PCDH15: variants seen among roughly 807,000 people sequenced by gnomAD.
PCDH15 encodes protocadherin-15.
PCDH15 carries 129 observed loss-of-function variants against 178.5 expected under a neutral mutation model. That is an observed-to-expected ratio of 0.72 (90% CI 0.63 to 0.84). The LOEUF (loss-of-function observed/expected upper bound fraction) is 0.84, where lower values mean the gene tolerates loss of function less well. Ranked by LOEUF, PCDH15 falls within the 40% of genes least tolerant of loss-of-function variation. The probability of loss-of-function intolerance (pLI) is 0.00; values close to 1 mark genes in which losing one functional copy is unlikely to be tolerated. For synonymous variants in PCDH15, 800 were observed against 732.0 expected (o/e 1.09, Z -1.50); for missense variants, 2,230 against 2,099.9 (o/e 1.06, Z -1.21).
intron 2 of PCDH15, among the ~76,000 whole-genome samples, chr10:55,459,300 G>A (rs1180885929): frequency 6.7e-6 from 1 of 150,156 alleles, no homozygotes; most frequent in Non-Finnish European, 1.5e-5. Context: ...ACCCTAATTT[G>A]TGTAGCTACT....
intron 1 of PCDH15, among the ~76,000 whole-genome samples, chr10:54,780,619 C>A (rs1223620349): frequency 6.6e-6 from 1 of 151,042 alleles, no homozygotes; most frequent in African/African-American, 2.4e-5. Flanking sequence ...GGAAGGAAAG[C>A]TTAGGAAAAC....
Position 54,354,062 on chromosome 10 carries a change from C to T in PCDH15, c.475-7578G>A, listed in dbSNP as rs545302881. The stretch of plus-strand genomic sequence containing the variant: ...GTGCAATGGCACAATCTCGGCTCAC[C>T]GCAACCTCCACCTCCTGGGTTCAAG... On this transcript the variant is annotated intron_variant, in intron 5 of 37. Coordinates refer to ENST00000644397, the MANE Select transcript of PCDH15 (RefSeq NM_001384140.1). 2.2e-4 allele frequency among the ~76,000 whole-genome samples: 34 copies of T among 152,112 alleles called. No homozygotes were observed. In the South Asian group the frequency reaches 3.7e-3, roughly 17 times the overall value.
chr10:54,917,666 A>G (rs1837376145), intron 2 of PCDH15, among the ~76,000 whole-genome samples: 1 of 152,152 alleles, frequency 6.6e-6, no homozygotes, highest in Non-Finnish European at 1.5e-5. Context: ...CCTCTAAAGA[A>G]CAAGGGCATC....
intron 7 of PCDH15, among the ~76,000 whole-genome samples, chr10:54,322,567 A>G (rs1446964753): frequency 6.6e-6 from 1 of 152,044 alleles, no homozygotes. Context: ...ATAATGTTCC[A>G]AGATCGAATC....
At chr10:54,039,509 T>A (rs997509994) in intron 18 of PCDH15, among the ~76,000 whole-genome samples, 5 of 151,960 alleles carry the variant, frequency 3.3e-5, no homozygotes, top group African/African-American at 1.2e-4. Context: ...TCCCTTACTC[T>A]GTGGCAAGCT....
At chr10:55,496,679 T>C (rs1209777497) in intron 2 of PCDH15, among the ~76,000 whole-genome samples, 3 of 151,776 alleles carry the variant, frequency 2.0e-5, no homozygotes, top group Non-Finnish European at 4.4e-5. Flanking sequence ...GCTAGGAAAA[T>C]ATAGACAGAA....
intron 2 of PCDH15, among the ~76,000 whole-genome samples, chr10:55,100,332 A>G (rs2132045068): frequency 6.6e-6 from 1 of 152,258 alleles, no homozygotes; most frequent in African/African-American, 2.4e-5. Context: ...GAACATTTAA[A>G]CATTAAGCAA....
chr10:55,471,138 G>T (rs1051354129), intron 2 of PCDH15, among the ~76,000 whole-genome samples: 4 of 152,060 alleles, frequency 2.6e-5, no homozygotes, highest in Non-Finnish European at 5.9e-5. Flanking sequence ...ACTGATTTTA[G>T]TGTGAATATA....
chr10:55,609,636 A>C (rs1843320784), intron 2 of PCDH15, among the ~76,000 whole-genome samples: 1 of 152,112 alleles, frequency 6.6e-6, no homozygotes, highest in South Asian at 2.1e-4. Flanking sequence ...ACTGTCCATA[A>C]CATAGTATAT....
intron 2 of PCDH15, among the ~76,000 whole-genome samples, chr10:55,438,469 A>G (rs542818939): frequency 6.6e-6 from 1 of 152,276 alleles, no homozygotes; most frequent in African/African-American, 2.4e-5. Flanking sequence ...TATTAGTCTG[A>G]AGTATAATGG....
intron 15 of PCDH15, among the ~76,000 whole-genome samples, chr10:54,099,498 C>CAAAAAAAAAAAAAAAAAAA (rs755057091): frequency 2.0e-5 from 1 of 49,990 alleles, no homozygotes; most frequent in African/African-American, 1.2e-4. Flanking sequence ...GACTCCATCT[C>CAAAAAAAAAAAAAAAAAAA]AAAAAAAAAA....
intron 2 of PCDH15, among the ~76,000 whole-genome samples, chr10:54,554,118 A>T (rs2086906840): frequency 6.6e-6 from 1 of 152,132 alleles, no homozygotes; most frequent in African/African-American, 2.4e-5. Context: ...TTACAATGTG[A>T]ACTTAATGGC....
chr10:54,653,980 T>G (rs1253322550), intron 2 of PCDH15, among the ~76,000 whole-genome samples: 2 of 152,230 alleles, frequency 1.3e-5, no homozygotes, highest in Admixed American at 6.5e-5. Flanking sequence ...CTTGTCATTT[T>G]ATGGTGAAAA....
intron 2 of PCDH15, among the ~76,000 whole-genome samples, chr10:55,146,304 C>T (rs1298866834): frequency 2.0e-5 from 3 of 151,960 alleles, no homozygotes; most frequent in African/African-American, 4.8e-5. Flanking sequence ...AAGATATGAG[C>T]TCAGCTGGCA....
At chr10:54,237,385 A>T (rs2054743649) in intron 8 of PCDH15, among the ~76,000 whole-genome samples, 1 of 152,228 alleles carries the variant, frequency 6.6e-6, no homozygotes, top group South Asian at 2.1e-4. Context: ...AAAGTAAATA[A>T]TTTCATAAAA....
At chr10:54,386,840 AT>A (rs1949991986) in intron 3 of PCDH15, among the ~76,000 whole-genome samples, 1 of 152,214 alleles carries the variant, frequency 6.6e-6, no homozygotes, top group Non-Finnish European at 1.5e-5. Flanking sequence ...ATGTGGAGAA[AT>A]TGAAACACTA....
chr10:54,806,583 G>C (rs547875514), intron 3 of PCDH15, among the ~76,000 whole-genome samples: 2 of 150,866 alleles, frequency 1.3e-5, no homozygotes, highest in Non-Finnish European at 2.9e-5. Flanking sequence ...TCCCGGGTTC[G>C]AGCAATTCTC....
intron 2 of PCDH15, among the ~76,000 whole-genome samples, chr10:55,384,910 C>A (rs375244246): frequency 1.3e-5 from 2 of 151,834 alleles, no homozygotes; most frequent in East Asian, 1.9e-4. Flanking sequence ...AAAGCAGAGA[C>A]AAAAATAAAC....
chr10:54,471,630 T>A (rs573279541), intron 3 of PCDH15, among the ~76,000 whole-genome samples: 2 of 151,848 alleles, frequency 1.3e-5, no homozygotes, highest in East Asian at 3.9e-4. Context: ...TCTTCTATTT[T>A]AAATTTTATT....
Sources: gnomAD v4.1 joint callset for allele counts (sites outside exome capture counted in the v4.1 genomes callset) on GRCh38, gnomAD v4.1.1 for gene constraint, MANE v1.5 for transcripts, NCBI Gene and HGNC (gene_info 2026-07-23, HGNC 2026-07-21) for gene names.